Variants in MIA2 observed in about 807,000 individuals in gnomAD.
MIA2 encodes the protein melanoma inhibitory activity protein 2.
Under a neutral mutation model 167.8 loss-of-function variants are expected in MIA2, and 127 were observed. The observed-to-expected ratio is 0.76, with a 90% CI of 0.66 to 0.88. The LOEUF is 0.88. Among genes scored for constraint, MIA2 ranks in the 40% least tolerant of loss-of-function variants. The pLI is 0.00. For missense variants in MIA2, 1,690 were observed against 1,624.7 expected (o/e 1.04, Z -0.69); for synonymous variants, 552 against 541.9 (o/e 1.02, Z -0.26).
chr14:39,265,634 GTTTT>G (rs542738434), intron 6 of MIA2: 3 of 375,742 alleles, frequency 8.0e-6, no homozygotes, highest in Non-Finnish European at 9.3e-6. Context: ...GCAAAGGGAG[GTTTT>G]TTTTTTGTTT....
chr14:39,294,121 T>C, intron 12 of MIA2, 50 bp downstream of exon 12: 2 of 1,297,604 alleles, frequency 1.5e-6, no homozygotes, highest in South Asian at 2.6e-5. Context: ...ATAATTTTAG[T>C]TTAATTTTTT....
At chr14:39,329,262 C>T (rs533777771) in intron 25 of MIA2, among the ~76,000 whole-genome samples, 1 of 152,152 alleles carries the variant, frequency 6.6e-6, no homozygotes, top group East Asian at 1.9e-4. Flanking sequence ...ATTTGGCTCT[C>T]TGTTATTGGT....
At position 39,320,988 on chromosome 14, in the gene MIA2, T is replaced by C. The variant is rs374184562; in HGVS notation, c.3428T>C (p.Leu1143Pro). Reference sequence around the variant, plus strand: ...CCTTCATCTGAAACAAGAGCTTTTCTCTCTCCTCCAACTTTGTTGGAGGGT... The same window carrying C: ...CCTTCATCTGAAACAAGAGCTTTTCCCTCTCCTCCAACTTTGTTGGAGGGT... ...GWPSSETRAF[L>P]SPPTLLEGPL... Residue 1143 changes from leucine to proline, a missense_variant, in exon 24 of 29, where the codon CTC becomes CCC. Transcript: ENST00000640607. The C allele has an allele frequency of 2.4e-5, 38 of 1,613,670 alleles. No individual in the cohort carries two copies. Among genetic ancestry groups the C allele is most frequent in the Non-Finnish European group, 3.2e-5 (38 of 1,179,740 alleles).
chr14:39,299,754 GA>G, intron 13 of MIA2, 109 bp from the exon 14 acceptor site: 1 of 1,162,056 alleles, frequency 8.6e-7, no homozygotes, highest in Non-Finnish European at 1.2e-6. Flanking sequence ...AAAGTTCTTT[GA>G]AAATAGGAGC....
At chr14:39,268,029 C>G (rs1261682753) in intron 6 of MIA2, among the ~76,000 whole-genome samples, 1 of 151,006 alleles carries the variant, frequency 6.6e-6, no homozygotes, top group East Asian at 1.9e-4. Flanking sequence ...GATGCTCTAC[C>G]ATGAGTGAGA....
chr14:39,386,745 T>C, intron 23 of MIA2: 1 of 1,339,036 alleles, frequency 7.5e-7, no homozygotes. Context: ...TTCAGTTTCT[T>C]CATCCTCCTC....
At chr14:39,259,168 C>T (rs1432804190) in intron 6 of MIA2, among the ~76,000 whole-genome samples, 4 of 152,246 alleles carry the variant, frequency 2.6e-5, no homozygotes, top group East Asian at 1.9e-4. Flanking sequence ...CAGGCAGGAA[C>T]GATTAAATCC....
At chr14:39,267,216 G>T in intron 6 of MIA2, 1 of 1,346,090 alleles carries the variant, frequency 7.4e-7, no homozygotes, top group East Asian at 3.1e-5. Context: ...TGCGGGTCGG[G>T]CTCGGACCTG....
rs758932734 is a variant in MIA2, at chr14:39,348,767, C to T, written c.3862C>T (p.Leu1288Phe). The change falls in exon 28 of 29, where the codon CTC becomes TTC. Residue 1288 changes from leucine (L) to phenylalanine (F), a missense_variant. Leu to Phe is a conservative substitution (Grantham distance 22). Coordinates refer to ENST00000640607, the MANE Select transcript of MIA2 (RefSeq NM_001329214.4). ...LGNLNVPDSSLPAENEATGPG... is the reference protein window; with the variant it reads ...LGNLNVPDSSFPAENEATGPG... ...GAATTTAAATGTGCCTGATTCATCTCTCCCTGCTGAAAATGAAGCCACTGG... is the reference window on the plus strand; with the variant it reads ...GAATTTAAATGTGCCTGATTCATCTTTCCCTGCTGAAAATGAAGCCACTGG... The T allele has an allele frequency of 1.1e-5, 18 of 1,613,838 alleles. No individual in the cohort carries two copies. Among genetic ancestry groups the T allele is most frequent in the East Asian group, 2.2e-5 (1 of 44,894 alleles).
Position 39,324,853 on chromosome 14 carries a change from C to T in MIA2, c.3497-2011C>T, listed in dbSNP as rs564655803. Among the ~76,000 whole-genome samples, 6 of 152,216 alleles carry T rather than the reference C, an allele frequency of 3.9e-5. No homozygotes were observed. In the South Asian group the frequency reaches 1.0e-3, roughly 26 times the overall value. ...AACTCCTCACCTCAGGTGATCCGCC[C>T]ACCTCGGCCTCCCAGAGTGCTAGGA... is the stretch of plus-strand genomic sequence containing the variant. On this transcript the variant is annotated intron_variant, in intron 24 of 28. Transcript: ENST00000640607.
chr14:39,238,486 T>C (rs1014749763), intron 2 of MIA2, among the ~76,000 whole-genome samples: 2 of 151,888 alleles, frequency 1.3e-5, no homozygotes, highest in Non-Finnish European at 2.9e-5. Flanking sequence ...GGTGTATAAG[T>C]TTTTTATAGA....
chr14:39,301,152 G>A (rs1040313555), intron 14 of MIA2, among the ~76,000 whole-genome samples: 5 of 151,462 alleles, frequency 3.3e-5, no homozygotes, highest in African/African-American at 9.7e-5. Context: ...CCTCTGCCTC[G>A]TGGGTTCAAG....
chr14:39,346,130 T>G, intron 26 of MIA2, 104 bp downstream of exon 26: 2 of 898,464 alleles, frequency 2.2e-6, no homozygotes, highest in Non-Finnish European at 1.8e-6. Flanking sequence ...TAGTAGTTCC[T>G]AAGGCCAAAA....
At chr14:39,292,620 G>C (rs1423523542) in intron 10 of MIA2, 2 of 262,360 alleles carry the variant, frequency 7.6e-6, no homozygotes, top group East Asian at 1.5e-4. Flanking sequence ...TATTTTTTTT[G>C]CTTTTATTTT....
At position 39,294,014 on chromosome 14, in the gene MIA2, A is replaced by G; in HGVS notation, c.2334A>G (p.Ser778=). 6.2e-7 allele frequency: 1 copy of G among 1,608,982 alleles called. No individual in the cohort carries two copies. The highest frequency in any genetic ancestry group is 8.5e-7 in the Non-Finnish European group (1 of 1,178,084). ...TGTGTTTCTAGATGGCGGATATTTC[A>G]AAAAGGATACAGTCTCTAGAAGATG... The part of the protein sequence containing the change: ...SEQDELMADI[S]KRIQSLEDES... Residue 778 remains serine (S), a synonymous_variant, in exon 12 of 29, where the codon TCA becomes TCG. Transcript: ENST00000640607.
chr14:39,353,026 AC>A (rs1392004073), downstream of MIA2, among the ~76,000 whole-genome samples: 4 of 151,996 alleles, frequency 2.6e-5, no homozygotes, highest in East Asian at 7.7e-4. Context: ...GTTCCTCTTC[AC>A]CCCACCCCAT....
chr14:39,355,865 C>A (rs891918824), downstream of MIA2, among the ~76,000 whole-genome samples: 1 of 152,024 alleles, frequency 6.6e-6, no homozygotes, highest in Admixed American at 6.6e-5. Context: ...TATTGATTTG[C>A]GTATGTTGAA....
At chr14:39,289,140 A>G (rs2060372318) in intron 9 of MIA2, among the ~76,000 whole-genome samples, 1 of 152,118 alleles carries the variant, frequency 6.6e-6, no homozygotes, top group African/African-American at 2.4e-5. Context: ...TACTTTAATA[A>G]CAGATTGAGA....
At position 39,267,414 on chromosome 14, in the gene MIA2, G is replaced by GA. The variant is rs757396862; in HGVS notation, c.1888-9519dup. ...GTTCTCCGCCGTTTATTGTGGCCCCGACAGGCCGGGGTTACTGTGGCGACC... is the reference window on the plus strand; with the variant it reads ...GTTCTCCGCCGTTTATTGTGGCCCCGAACAGGCCGGGGTTACTGTGGCGACC... On this transcript the variant is annotated intron_variant, in intron 6 of 28. Coordinates refer to ENST00000640607, the MANE Select transcript of MIA2 (RefSeq NM_001329214.4). 134 of 1,608,884 alleles carry GA rather than the reference G, an allele frequency of 8.3e-5. 2 individuals carry two copies. In the South Asian group the frequency reaches 1.1e-3, roughly 13 times the overall value.
Sources: gnomAD v4.1 joint callset for allele counts (sites outside exome capture counted in the v4.1 genomes callset) on GRCh38, gnomAD v4.1.1 for gene constraint, MANE v1.5 for transcripts, NCBI Gene and HGNC (gene_info 2026-07-23, HGNC 2026-07-21) for gene names.